The following ABCA12 variants were observed in gnomAD, a reference collection of about 807,000 sequenced individuals.
ABCA12 encodes the protein glucosylceramide transporter ABCA12.
A neutral mutation model predicts 293.5 loss-of-function variants in ABCA12; 156 were observed. The observed-to-expected ratio is 0.53, with a 90% CI of 0.47 to 0.61. The LOEUF (loss-of-function observed/expected upper bound fraction) is 0.61. Among genes scored for constraint, ABCA12 ranks in the 20% least tolerant of loss-of-function variants. The probability of loss-of-function intolerance (pLI) is 0.00; values close to 1 mark genes in which losing one functional copy is unlikely to be tolerated. For missense variants in ABCA12, 2,797 were observed against 3,090.2 expected (o/e 0.91, Z 2.25); for synonymous variants, 1,063 against 1,108.0 (o/e 0.96, Z 0.81).
At chr2:214,933,701 C>T (rs1458447821) in intron 52 of ABCA12, among the ~76,000 whole-genome samples, 1 of 152,160 alleles carries the variant, frequency 6.6e-6, no homozygotes, top group Non-Finnish European at 1.5e-5. Flanking sequence ...ATTCTAATTA[C>T]CCTGTCCAAC....
intron 2 of ABCA12, among the ~76,000 whole-genome samples, chr2:215,069,225 A>G (rs1263498138): frequency 1.4e-5 from 2 of 147,880 alleles, no homozygotes; most frequent in African/African-American, 2.5e-5. Flanking sequence ...ATTTGAGAGC[A>G]TTTTTTTTTT....
chr2:214,997,307 T>C (rs888818496), intron 23 of ABCA12, among the ~76,000 whole-genome samples: 1 of 152,234 alleles, frequency 6.6e-6, no homozygotes, highest in Non-Finnish European at 1.5e-5. Flanking sequence ...GCTCTATCTA[T>C]ATCTACATTT....
intron 2 of ABCA12, among the ~76,000 whole-genome samples, chr2:215,099,173 G>T (rs1328647937): frequency 6.6e-6 from 1 of 152,216 alleles, no homozygotes; most frequent in African/African-American, 2.4e-5. Flanking sequence ...GGGAAAGCCA[G>T]CCACTCTGTC....
At chr2:214,996,296 G>A (rs1417814151) in intron 23 of ABCA12, among the ~76,000 whole-genome samples, 1 of 152,112 alleles carries the variant, frequency 6.6e-6, no homozygotes, top group Non-Finnish European at 1.5e-5. Context: ...TATACACACA[G>A]TTTTATTATA....
rs10198064 is a variant in ABCA12, at chr2:215,011,647, T to C, written c.2124A>G (p.Ala708=). ...TGTTCATTCGGTTGCTTCTGTACAT[T>C]GCCTGTGAGACAAAAATCCACAATT... is the stretch of plus-strand genomic sequence containing the variant. ...HLPRSVPLTQ[A]MYRSNRMNTP... Residue 708 remains alanine, a splice_region_variant and synonymous_variant, in exon 17 of 53, where the codon GCA becomes GCG. Transcript: ENST00000272895. 199,533 of 1,613,406 alleles carry C rather than the reference T, an allele frequency of 0.12. 24,124 individuals are homozygous for C. The highest frequency in any genetic ancestry group is 0.62 in the African/African-American group (46,568 of 74,866).
Position 214,974,020 on chromosome 2 carries a change from G to C in ABCA12, c.5491C>G (p.Leu1831Val). Residue 1831 changes from leucine (L) to valine (V), a missense_variant, in exon 36 of 53, where the codon CTG (leucine) becomes GTG (valine). By Grantham distance (32) the Leu-to-Val change is conservative. Around this residue, in one of 3 missense-constraint regions of ABCA12, gnomAD observed 2,130 missense variants for 2,427.0 expected, o/e 0.88. Coordinates refer to ENST00000272895, the MANE Select transcript of ABCA12 (RefSeq NM_173076.3). ...SDLQCLNKDS[L>V]EKWNTSGEPI... is the part of the protein sequence containing the mutation. Reference sequence around the variant, plus strand: ...TCTCCACTGGTGTTCCATTTTTCCAGACTGTCTTTGTTTAAACACTGTCTG... The same window carrying C: ...TCTCCACTGGTGTTCCATTTTTCCACACTGTCTTTGTTTAAACACTGTCTG... 1.2e-6 allele frequency: 2 copies of C among 1,613,932 alleles called. No individual in the cohort carries two copies. The highest frequency in any genetic ancestry group is 1.7e-6 in the Non-Finnish European group (2 of 1,179,916).
intron 45 of ABCA12, among the ~76,000 whole-genome samples, chr2:214,950,377 T>G: frequency 1.3e-5 from 1 of 78,022 alleles, no homozygotes; most frequent in African/African-American, 4.0e-5. Context: ...TGTGTGTATA[T>G]ATATATCTGT....
Position 214,958,425 on chromosome 2 carries a change from G to T in ABCA12, c.5969C>A (p.Ala1990Glu). The T allele has an allele frequency of 6.2e-7, 1 of 1,613,888 alleles. No homozygotes were observed. Among genetic ancestry groups the T allele is most frequent in the Non-Finnish European group, 8.5e-7 (1 of 1,179,874 alleles). ...AGAGTAGCCCATCAAGATAGACAGTGCCACTAAAATATCGATTAAACTGCT... is the reference window on the plus strand; with the variant it reads ...AGAGTAGCCCATCAAGATAGACAGTTCCACTAAAATATCGATTAAACTGCT... ...TISSLIDILV[A>E]LSILMGYSVT... is the part of the protein sequence containing the mutation. The change falls in exon 41 of 53, where the codon GCA becomes GAA. Residue 1990 changes from alanine to glutamate, a missense_variant. Around this residue, in one of 3 missense-constraint regions of ABCA12, gnomAD observed 2,130 missense variants for 2,427.0 expected, o/e 0.88. Transcript: ENST00000272895.
At chr2:215,060,184 A>G (rs150478583) in intron 3 of ABCA12, among the ~76,000 whole-genome samples, 56 of 152,156 alleles carry the variant, frequency 3.7e-4, no homozygotes, top group African/African-American at 1.3e-3. Context: ...TACATTTACC[A>G]TGTTATATAG....
chr2:215,127,708 G>A (rs1233683008), intron 1 of ABCA12, among the ~76,000 whole-genome samples: 1 of 152,144 alleles, frequency 6.6e-6, no homozygotes, highest in Non-Finnish European at 1.5e-5. Context: ...TGGGTCTCCT[G>A]AAGGCAGCAG....
intron 1 of ABCA12, among the ~76,000 whole-genome samples, chr2:215,125,077 T>C (rs1372358212): frequency 6.6e-6 from 1 of 151,466 alleles, no homozygotes; most frequent in Non-Finnish European, 1.5e-5. Flanking sequence ...CCCCACTTTA[T>C]GATTTTGTTT....
intron 23 of ABCA12, among the ~76,000 whole-genome samples, chr2:214,992,295 T>C (rs577999044): frequency 3.3e-5 from 5 of 151,410 alleles, no homozygotes; most frequent in Non-Finnish European, 5.9e-5. Flanking sequence ...ACAGAAAAAT[T>C]AGCCAGGAGT....
intron 2 of ABCA12, among the ~76,000 whole-genome samples, chr2:215,086,316 A>G (rs146354875): frequency 3.0e-3 from 461 of 152,328 alleles, no homozygotes; most frequent in African/African-American, 0.01. Flanking sequence ...GAAGTTACCA[A>G]ATCAGGAATA....
chr2:215,136,622 C>A (rs920589034), intron 1 of ABCA12, among the ~76,000 whole-genome samples: 1 of 152,130 alleles, frequency 6.6e-6, no homozygotes, highest in African/African-American at 2.4e-5. Flanking sequence ...ACGTGGATTT[C>A]TTCCTTTTAC....
chr2:214,951,027 T>G lies in ABCA12; in HGVS notation c.6704A>C (p.Glu2235Ala), dbSNP rs138504099. 850 of 1,614,182 alleles carry G rather than the reference T, an allele frequency of 5.3e-4. 4 individuals are homozygous for G. The highest frequency in any genetic ancestry group is 4.1e-3 in the Middle Eastern group (25 of 6,062). The change falls in exon 45 of 53, where the codon GAA (glutamate) becomes GCA (alanine). Residue 2235 changes from glutamate to alanine, a missense_variant. Physicochemically the swap from Glu to Ala is moderately radical, Grantham distance 107 (BLOSUM62 -1). Transcript: ENST00000272895. Reference sequence around the variant, plus strand: ...TCTTAATCTCTCAGCCCGCACATCTTCATCCTCATCTATTGTCTCCCTTAC... The same window carrying G: ...TCTTAATCTCTCAGCCCGCACATCTGCATCCTCATCTATTGTCTCCCTTAC... ...SHVRETIDEDEDVRAERLRVE... is the reference protein window; with the variant it reads ...SHVRETIDEDADVRAERLRVE...
At chr2:215,133,534 A>C (rs966237643) in intron 1 of ABCA12, among the ~76,000 whole-genome samples, 1 of 151,984 alleles carries the variant, frequency 6.6e-6, no homozygotes, top group Non-Finnish European at 1.5e-5. Flanking sequence ...CTTCCCTGTC[A>C]TTAACTAGCA....
At chr2:215,107,957 G>A (rs1702496140) in intron 2 of ABCA12, among the ~76,000 whole-genome samples, 2 of 152,204 alleles carry the variant, frequency 1.3e-5, no homozygotes, top group Admixed American at 1.3e-4. Flanking sequence ...TGCTCTTGCT[G>A]CTGACTTTTC....
intron 2 of ABCA12, among the ~76,000 whole-genome samples, chr2:215,068,692 T>C (rs1403039917): frequency 6.6e-6 from 1 of 152,148 alleles, no homozygotes; most frequent in Non-Finnish European, 1.5e-5. Flanking sequence ...TTTCGTTCAA[T>C]TTCCAATTCT....
At chr2:215,108,241 T>C (rs1702502457) in intron 2 of ABCA12, among the ~76,000 whole-genome samples, 1 of 152,222 alleles carries the variant, frequency 6.6e-6, no homozygotes, top group Non-Finnish European at 1.5e-5. Context: ...TGGACACAGG[T>C]AGCACTGAAT....
Sources: gnomAD v4.1 joint callset for allele counts (sites outside exome capture counted in the v4.1 genomes callset) on GRCh38, gnomAD v4.1.1 for gene constraint, gnomAD v4.1.1 regional missense constraint, MANE v1.5 for transcripts, NCBI Gene and HGNC (gene_info 2026-07-23, HGNC 2026-07-21) for gene names.